Variants in CSMD1 observed in about 807,000 individuals in gnomAD.
CSMD1 encodes CUB and sushi domain-containing protein 1.
In CSMD1, 213 loss-of-function variants were observed where a neutral mutation model predicts 417.5. That is an observed-to-expected ratio of 0.51 (90% CI 0.46 to 0.57). The LOEUF is 0.57. Among genes scored for constraint, CSMD1 ranks in the 20% least tolerant of loss-of-function variants. The pLI, the probability that CSMD1 is intolerant of heterozygous loss-of-function variation, is 0.00. For synonymous variants in CSMD1, 2,862 were observed against 1,736.8 expected, an observed-to-expected ratio of 1.65 and a Z score of -16.11; for missense variants, 6,923 against 4,529.7, an observed-to-expected ratio of 1.53 and a Z score of -15.17.
At chr8:3,551,183 A>T (rs927173463) in intron 10 of CSMD1, among the ~76,000 whole-genome samples, 1 of 152,220 alleles carries the variant, frequency 6.6e-6, no homozygotes, top group African/African-American at 2.4e-5. Context: ...AGGGCGTTCA[A>T]AGATTCAGTG....
intron 1 of CSMD1, among the ~76,000 whole-genome samples, chr8:4,783,355 C>T (rs570400386): frequency 1.4e-4 from 21 of 152,288 alleles, no homozygotes; most frequent in Non-Finnish European, 2.4e-4. Context: ...GCCTCCTAAT[C>T]AGAGGCTGGG....
intron 2 of CSMD1, among the ~76,000 whole-genome samples, chr8:4,610,218 T>G (rs1349710057): frequency 6.6e-6 from 1 of 152,096 alleles, no homozygotes; most frequent in Admixed American, 6.6e-5. Flanking sequence ...GGGATACAGA[T>G]GCAAGAAAGA....
rs114440135 is a variant in CSMD1 at position 3,662,522 on chromosome 8, T to A, written c.1010-45725A>T. Among the ~76,000 whole-genome samples the A allele has an allele frequency of 5.4e-3, 827 of 152,330 alleles. 6 individuals carry two copies. Among genetic ancestry groups the A allele is most frequent in the African/African-American group, 0.019 (785 of 41,570 alleles). ...CATATGTGTGCATGTGTCTTTATAG[T>A]AGAATGACTTAAAATCCTTTTGGCT... On this transcript the variant is annotated intron_variant, in intron 7 of 69. Coordinates refer to ENST00000635120, the MANE Select transcript of CSMD1 (RefSeq NM_033225.6).
At chr8:4,929,319 A>C (rs1303587289) in intron 1 of CSMD1, among the ~76,000 whole-genome samples, 2 of 151,874 alleles carry the variant, frequency 1.3e-5, no homozygotes, top group Non-Finnish European at 2.9e-5. Flanking sequence ...ACACATTTCT[A>C]CTCTTTAAGC....
At chr8:3,566,694 T>C (rs543556539) in intron 10 of CSMD1, among the ~76,000 whole-genome samples, 1 of 152,274 alleles carries the variant, frequency 6.6e-6, no homozygotes, top group African/African-American at 2.4e-5. Flanking sequence ...ACATCACTGA[T>C]CATTAGAGAC....
intron 68 of CSMD1, 117 bp from the exon 69 acceptor site, chr8:2,942,721 C>T: frequency 1.5e-6 from 1 of 680,418 alleles, no homozygotes; most frequent in South Asian, 3.9e-5. Flanking sequence ...GTTGCCATTT[C>T]ACAGGAAACC....
intron 5 of CSMD1, among the ~76,000 whole-genome samples, chr8:3,811,911 A>C (rs1051125421): frequency 2.6e-5 from 4 of 152,176 alleles, no homozygotes; most frequent in African/African-American, 9.7e-5. Flanking sequence ...ACAAAGTCTT[A>C]ACAAAGCACA....
intron 3 of CSMD1, among the ~76,000 whole-genome samples, chr8:4,268,280 A>G (rs1417450225): frequency 2.0e-5 from 3 of 152,170 alleles, no homozygotes; most frequent in Non-Finnish European, 4.4e-5. Context: ...TCTATATTTG[A>G]ACAAAATGAT....
intron 5 of CSMD1, among the ~76,000 whole-genome samples, chr8:3,907,961 G>C (rs996072193): frequency 1.4e-4 from 21 of 152,088 alleles, no homozygotes; most frequent in African/African-American, 5.1e-4. Context: ...TGTGGGGAGA[G>C]TGGTAATTTG....
intron 1 of CSMD1, among the ~76,000 whole-genome samples, chr8:4,857,745 C>G (rs536072334): frequency 1.2e-4 from 18 of 152,112 alleles, no homozygotes; most frequent in African/African-American, 4.3e-4. Context: ...AGACCAATAA[C>G]AGGATCTGAA....
At chr8:3,439,277 G>T (rs1239101434) in intron 12 of CSMD1, among the ~76,000 whole-genome samples, 2 of 67,874 alleles carry the variant, frequency 2.9e-5, no homozygotes, top group South Asian at 1.2e-3. Flanking sequence ...ATTTGGCAAT[G>T]TCAGTATATA....
chr8:4,368,222 A>T (rs1035819791), intron 3 of CSMD1, among the ~76,000 whole-genome samples: 4 of 152,236 alleles, frequency 2.6e-5, no homozygotes, highest in Non-Finnish European at 5.9e-5. Context: ...AATTTATCAG[A>T]GGCATTTTCT....
intron 5 of CSMD1, among the ~76,000 whole-genome samples, chr8:3,950,838 G>C (rs1442299301): frequency 1.3e-5 from 2 of 151,704 alleles, no homozygotes; most frequent in Admixed American, 6.6e-5. Flanking sequence ...ACTGTGCTAA[G>C]TAGAATATTT....
Position 4,104,068 on chromosome 8 carries a change from G to A in CSMD1, c.416-71969C>T, listed in dbSNP as rs1257487889. 4.6e-5 allele frequency among the ~76,000 whole-genome samples: 7 copies of A among 152,268 alleles called. No individual in the cohort carries two copies. The East Asian group carries it at 7.7e-4, about 17-fold the overall frequency. On this transcript the variant is annotated intron_variant, in intron 3 of 69. Transcript: ENST00000635120. ...TGGGCATTACTCAAGTACTACAATA[G>A]GTTCTCCCTCAAGACACACAAATGA...
chr8:3,904,623 C>G (rs112660589), intron 5 of CSMD1, among the ~76,000 whole-genome samples: 137 of 148,152 alleles, frequency 9.2e-4, no homozygotes, highest in African/African-American at 3.3e-3. Flanking sequence ...CTCTTTCTTT[C>G]TTTCTCGTTT....
chr8:3,065,405 G>C (rs988615520), intron 49 of CSMD1, among the ~76,000 whole-genome samples: 1 of 152,044 alleles, frequency 6.6e-6, no homozygotes, highest in African/African-American at 2.4e-5. Flanking sequence ...TAGATGGATA[G>C]ATTGCTAAAT....
At chr8:3,036,640 G>A (rs192099239) in intron 50 of CSMD1, among the ~76,000 whole-genome samples, 1 of 152,020 alleles carries the variant, frequency 6.6e-6, no homozygotes, top group Non-Finnish European at 1.5e-5. Context: ...TAGTACCTTA[G>A]AAGCCTAAAT....
chr8:4,806,609 C>G (rs1054948608), intron 1 of CSMD1, among the ~76,000 whole-genome samples: 4 of 152,198 alleles, frequency 2.6e-5, no homozygotes, highest in African/African-American at 9.6e-5. Context: ...TTAACTTTCT[C>G]TTCTCATCCA....
chr8:4,109,873 G>C (rs1585332302), intron 3 of CSMD1, among the ~76,000 whole-genome samples: 2 of 152,258 alleles, frequency 1.3e-5, no homozygotes, highest in Admixed American at 6.5e-5. Flanking sequence ...GACAGTCATT[G>C]TGCTTTTTCT....
Sources: gnomAD v4.1 joint callset for allele counts (sites outside exome capture counted in the v4.1 genomes callset) on GRCh38, gnomAD v4.1.1 for gene constraint, MANE v1.5 for transcripts, NCBI Gene and HGNC (gene_info 2026-07-23, HGNC 2026-07-21) for gene names.